Variants in SLC24A2 observed in about 807,000 individuals in gnomAD.
SLC24A2 encodes sodium/potassium/calcium exchanger 2.
A neutral mutation model predicts 62.0 loss-of-function variants in SLC24A2; 36 were observed. The observed-to-expected ratio is 0.58, with a 90% CI of 0.44 to 0.77. The LOEUF (loss-of-function observed/expected upper bound fraction) is 0.77. Ranked by LOEUF, SLC24A2 falls within the 30% of genes least tolerant of loss-of-function variation. SLC24A2 has a pLI of 0.00. For synonymous variants in SLC24A2, 358 were observed against 294.0 expected (o/e 1.22, Z -2.23); for missense variants, 846 against 817.9 (o/e 1.03, Z -0.42).
At chr9:19,663,509 T>C (rs750620504) in intron 2 of SLC24A2, among the ~76,000 whole-genome samples, 4 of 152,070 alleles carry the variant, frequency 2.6e-5, no homozygotes, top group Non-Finnish European at 5.9e-5. Flanking sequence ...AGAAGATGCC[T>C]CCTGACTTGT....
In SLC24A2 at chr9:19,573,636, G is replaced by A. The variant is rs150784461; in HGVS notation, c.1229-167C>T. On this transcript the variant is annotated intron_variant, in intron 6 of 10. Transcript: ENST00000341998. ...TTGGGCTAAAGCAGAGGATAGTGGTGTCCCAGGGGCGATAAGGCCCAGGGC... is the reference window on the plus strand; with the variant it reads ...TTGGGCTAAAGCAGAGGATAGTGGTATCCCAGGGGCGATAAGGCCCAGGGC... Among the ~76,000 whole-genome samples the A allele has an allele frequency of 8.1e-4, 123 of 152,216 alleles. 1 individual carries two copies. The highest frequency in any genetic ancestry group is 2.9e-3 in the African/African-American group (122 of 41,540).
chr9:20,193,939 A>C, the SLC24A2 span, among the ~76,000 whole-genome samples: 1 of 152,186 alleles, frequency 6.6e-6, no homozygotes, highest in African/African-American at 2.4e-5. Flanking sequence ...AGACTTTAAG[A>C]TTTATCAAAG....
At chr9:20,138,023 C>G in the SLC24A2 span, among the ~76,000 whole-genome samples, 9 of 152,220 alleles carry the variant, frequency 5.9e-5, no homozygotes, top group Middle Eastern at 3.4e-3. Context: ...TGTCCACAGC[C>G]CTGAGAGTTA....
At chr9:20,186,245 T>C in the SLC24A2 span, among the ~76,000 whole-genome samples, 1 of 152,182 alleles carries the variant, frequency 6.6e-6, no homozygotes, top group Non-Finnish European at 1.5e-5. Context: ...CTCTACCTAG[T>C]GCCATATTCA....
chr9:19,617,437 A>T (rs1219538611), intron 4 of SLC24A2, among the ~76,000 whole-genome samples: 2 of 152,240 alleles, frequency 1.3e-5, no homozygotes, highest in African/African-American at 4.8e-5. Context: ...AAATGTATAT[A>T]AATAGGTATC....
chr9:19,814,792 G>A, the SLC24A2 span, among the ~76,000 whole-genome samples: 2 of 152,126 alleles, frequency 1.3e-5, no homozygotes, highest in African/African-American at 4.8e-5. Flanking sequence ...TTAGCAGCAG[G>A]TTCCTGTCTA....
chr9:19,989,089 T>A, the SLC24A2 span, among the ~76,000 whole-genome samples: 2 of 152,108 alleles, frequency 1.3e-5, no homozygotes, highest in African/African-American at 4.8e-5. Context: ...ACATGAAAAA[T>A]TTTATAAAAA....
chr9:19,560,897 G>GTGTGTGTGTATATA (rs1287721646), intron 7 of SLC24A2, among the ~76,000 whole-genome samples: 2 of 128,496 alleles, frequency 1.6e-5, no homozygotes, highest in African/African-American at 5.8e-5. Context: ...GTGTGTGTGT[G>GTGTGTGTGTATATA]TATATATATA....
At chr9:19,761,471 T>A (rs74983840) in intron 2 of SLC24A2, among the ~76,000 whole-genome samples, 9 of 148,534 alleles carry the variant, frequency 6.1e-5, no homozygotes, top group Non-Finnish European at 1.0e-4. Flanking sequence ...TTAATTTTTT[T>A]ATTTTATTTT....
chr9:19,959,414 T>C, the SLC24A2 span, among the ~76,000 whole-genome samples: 1 of 152,196 alleles, frequency 6.6e-6, no homozygotes, highest in East Asian at 1.9e-4. Context: ...CAAGCGATGA[T>C]CACTCTTGTC....
At chr9:19,581,402 G>T (rs896864094) in intron 5 of SLC24A2, among the ~76,000 whole-genome samples, 1 of 152,088 alleles carries the variant, frequency 6.6e-6, no homozygotes, top group Non-Finnish European at 1.5e-5. Context: ...CAGCAAAATG[G>T]ATTTGCTCAA....
chr9:20,252,931 C>T, the SLC24A2 span, among the ~76,000 whole-genome samples: 1 of 152,198 alleles, frequency 6.6e-6, no homozygotes, highest in South Asian at 2.1e-4. Flanking sequence ...ATTGTTGCCT[C>T]AGGCTTCTCT....
At chr9:19,618,946 T>G (rs74897629) in intron 4 of SLC24A2, among the ~76,000 whole-genome samples, 1 of 152,310 alleles carries the variant, frequency 6.6e-6, no homozygotes, top group East Asian at 1.9e-4. Context: ...TGTGACTGAG[T>G]AACACTGGAA....
chr9:19,666,524 C>T (rs1819258326), intron 2 of SLC24A2, among the ~76,000 whole-genome samples: 1 of 151,628 alleles, frequency 6.6e-6, no homozygotes, highest in South Asian at 2.1e-4. Flanking sequence ...TGCAAGCTCC[C>T]TTTAATATCT....
the SLC24A2 span, among the ~76,000 whole-genome samples, chr9:20,242,249 A>G: frequency 2.9e-3 from 445 of 152,356 alleles, 2 homozygotes; most frequent in African/African-American, 0.01. Flanking sequence ...TAGGTAGAAG[A>G]AGACTTGTAA....
rs1388538650 is a variant in SLC24A2 at position 19,528,117 on chromosome 9, T to TG, written c.1500dup (p.Ile501HisfsTer32). ...CAGGTAATGGAGCCAAAGAACGTGATGGGAAAAAACTTCCTCGATGACTGA... is the reference window on the plus strand; with the variant it reads ...CAGGTAATGGAGCCAAAGAACGTGATGGGGAAAAAACTTCCTCGATGACTGA... On this transcript the variant is annotated frameshift_variant, in exon 9 of 11. Coordinates refer to ENST00000341998, the MANE Select transcript of SLC24A2 (RefSeq NM_020344.4). LOFTEE classifies it high-confidence loss of function. 1.3e-6 allele frequency: 2 copies of TG among 1,593,392 alleles called. No homozygotes were observed. Among genetic ancestry groups the TG allele is most frequent in the Non-Finnish European group, 8.6e-7 (1 of 1,168,998 alleles).
the SLC24A2 span, among the ~76,000 whole-genome samples, chr9:19,838,924 C>A: frequency 2.0e-5 from 3 of 151,904 alleles, no homozygotes; most frequent in Non-Finnish European, 2.9e-5. Flanking sequence ...TCTGCACAGC[C>A]AAAGAAACTA....
intron 2 of SLC24A2, among the ~76,000 whole-genome samples, chr9:19,636,548 C>T (rs1818362505): frequency 6.6e-6 from 1 of 151,444 alleles, no homozygotes; most frequent in Non-Finnish European, 1.5e-5. Context: ...TATTCTCCTA[C>T]CTCAGCCTCC....
chr9:19,785,982 G>T lies in SLC24A2; in HGVS notation c.885C>A (p.Asn295Lys), dbSNP rs527727352. 1.2e-6 allele frequency: 2 copies of T among 1,614,034 alleles called. No homozygotes were observed. Among genetic ancestry groups the T allele is most frequent in the Non-Finnish European group, 1.7e-6 (2 of 1,180,002 alleles). Residue 295 changes from asparagine (N) to lysine (K), a missense_variant, in exon 2 of 11, where the codon AAC (asparagine) becomes AAA (lysine). Physicochemically the swap from Asn to Lys is moderately conservative, Grantham distance 94. Coordinates refer to ENST00000341998, the MANE Select transcript of SLC24A2 (RefSeq NM_020344.4). Reference sequence around the variant, plus strand: ...CTGTCACCTTGACGACCTTATTGCGGTTTATCATTTGCTTCACCCATTTTT... The same window carrying T: ...CTGTCACCTTGACGACCTTATTGCGTTTTATCATTTGCTTCACCCATTTTT... ...QVEKWVKQMI[N>K]RNKVVKVTAP... is the part of the protein sequence containing the mutation.
Sources: allele counts gnomAD v4.1 joint callset (sites outside exome capture counted in the v4.1 genomes callset), GRCh38; gene constraint gnomAD v4.1.1; transcripts MANE v1.5; gene names NCBI Gene and HGNC (gene_info 2026-07-23, HGNC 2026-07-21).